The following SIPA1L3 variants were observed in gnomAD, a reference collection of about 807,000 sequenced individuals.
SIPA1L3 encodes signal-induced proliferation-associated 1-like protein 3.
SIPA1L3 carries 59 observed loss-of-function variants against 150.1 expected under a neutral mutation model. The ratio of observed to expected loss-of-function variants is 0.39; its 90% CI spans 0.32 to 0.49. The LOEUF (loss-of-function observed/expected upper bound fraction) is 0.49, where lower values mean the gene tolerates loss of function less well. Ranked by LOEUF, SIPA1L3 falls within the 20% of genes least tolerant of loss-of-function variation. The pLI is 0.86. For synonymous variants in SIPA1L3, 1,070 were observed against 1,077.6 expected (o/e 0.99, Z 0.14); for missense variants, 2,211 against 2,489.5 (o/e 0.89, Z 2.38).
In SIPA1L3 at chr19:38,047,557, G is replaced by A. The variant is rs1228105940; in HGVS notation, c.-311+18401G>A. ...TGTTATTTTTTCCTCCTTCGACCTC[G>A]ATCCCTCCTGCCACTCACTTTATAG... On this transcript the variant is annotated intron_variant, in intron 2 of 21. Coordinates refer to ENST00000222345, the MANE Select transcript of SIPA1L3 (RefSeq NM_015073.3). This position sits in a 1 kb window ranked among gnomAD's most constrained non-coding sequence, Gnocchi z 4.7. Among the ~76,000 whole-genome samples, 3 of 152,138 alleles carry A rather than the reference G, an allele frequency of 2.0e-5. No individual in the cohort carries two copies. Among genetic ancestry groups the A allele is most frequent in the Non-Finnish European group, 2.9e-5 (2 of 68,034 alleles).
chr19:38,098,301 T>C (rs1970424564), intron 4 of SIPA1L3, among the ~76,000 whole-genome samples: 1 of 152,128 alleles, frequency 6.6e-6, no homozygotes, highest in African/African-American at 2.4e-5. Context: ...TCTTTCCTCA[T>C]GATTGCAATC....
intron 9 of SIPA1L3, 71 bp from the exon 10 acceptor site, chr19:38,130,427 C>T (rs1971277883): frequency 4.0e-6 from 6 of 1,509,262 alleles, no homozygotes; most frequent in East Asian, 4.5e-5. Flanking sequence ...AAGCGGGGAA[C>T]GTGACCAGGG....
rs900447816 is a variant in SIPA1L3, at chr19:38,106,133, G to T, written c.2030-404G>T. Among the ~76,000 whole-genome samples the T allele has an allele frequency of 1.2e-4, 17 of 147,566 alleles. No homozygotes were observed. The Admixed American group carries it at 1.2e-3, about 10-fold the overall frequency. On this transcript the variant is annotated intron_variant, in intron 6 of 21. Transcript: ENST00000222345. The stretch of plus-strand genomic sequence containing the variant: ...ATTTTTTTTTTTTTTTTGAGACAGA[G>T]TCTAACCCTGTCTCCCAGGCTGGAG...
chr19:37,970,563 C>A (rs902111724), intron 1 of SIPA1L3, among the ~76,000 whole-genome samples: 1 of 152,060 alleles, frequency 6.6e-6, no homozygotes, highest in Non-Finnish European at 1.5e-5. Context: ...ACAGTTCTTT[C>A]TTCGCACTAA....
At chr19:38,091,999 G>T (rs1568545634) in intron 4 of SIPA1L3, among the ~76,000 whole-genome samples, 1 of 151,688 alleles carries the variant, frequency 6.6e-6, no homozygotes, top group Non-Finnish European at 1.5e-5. Flanking sequence ...GAGAGGTGGA[G>T]GTTGCAGTGA....
intron 2 of SIPA1L3, among the ~76,000 whole-genome samples, chr19:38,053,460 A>G (rs564845544): frequency 6.6e-6 from 1 of 152,324 alleles, no homozygotes; most frequent in Admixed American, 6.5e-5. Context: ...AGTGGTAGTA[A>G]TAGCCATGGA....
At chr19:38,104,413 C>T (rs1336790629) in intron 6 of SIPA1L3, among the ~76,000 whole-genome samples, 1 of 152,184 alleles carries the variant, frequency 6.6e-6, no homozygotes, top group Non-Finnish European at 1.5e-5. Flanking sequence ...TTCCGTGGGT[C>T]AGCTTTGCCC....
intron 13 of SIPA1L3, among the ~76,000 whole-genome samples, chr19:38,155,712 C>G (rs1375887210): frequency 6.6e-6 from 1 of 152,142 alleles, no homozygotes; most frequent in Non-Finnish European, 1.5e-5. Context: ...CACCAGCTCC[C>G]CCAGATGCTG....
Position 38,204,115 on chromosome 19 carries a change from T to G in SIPA1L3, c.5121-12T>G. On this transcript the variant is annotated splice_polypyrimidine_tract_variant and intron_variant, in intron 20 of 21. Transcript: ENST00000222345. ...TAGGGCCTCAGGCTGACCTTGTCCC[T>G]GGTTTTTCCAGCGAGGAGCCACCCC... is the stretch of plus-strand genomic sequence containing the variant. 1 of 1,554,208 alleles carries G rather than the reference T, an allele frequency of 6.4e-7. No individual in the cohort carries two copies. The highest frequency in any genetic ancestry group is 8.7e-7 in the Non-Finnish European group (1 of 1,148,206).
chr19:38,005,588 CT>C (rs1250519532), intron 1 of SIPA1L3, among the ~76,000 whole-genome samples: 1 of 152,190 alleles, frequency 6.6e-6, no homozygotes, highest in Non-Finnish European at 1.5e-5. Flanking sequence ...CCCTGAGCTA[CT>C]CATCTGACCT....
At chr19:37,918,899 TAAATAAATAAATAAATAAAC>T (rs1328612571) in intron 1 of SIPA1L3, among the ~76,000 whole-genome samples, 7 of 148,810 alleles carry the variant, frequency 4.7e-5, no homozygotes, top group Non-Finnish European at 7.4e-5. Context: ...AATAAATAAA[TAAATAAATAAATAAATAAAC>T]AAACTGCTGC....
chr19:38,044,766 A>C (rs899986412), intron 2 of SIPA1L3, among the ~76,000 whole-genome samples: 16 of 152,134 alleles, frequency 1.1e-4, no homozygotes, highest in African/African-American at 3.9e-4. Context: ...GTATGGCAGA[A>C]GTGTGTTCTA....
intron 18 of SIPA1L3, among the ~76,000 whole-genome samples, chr19:38,196,472 GGGCAGAGTGTGGATGTCAA>G (rs1406508852): frequency 6.4e-3 from 957 of 148,608 alleles, no homozygotes; most frequent in South Asian, 8.7e-3. Flanking sequence ...TGGAGGTCAA[GGGCAGAGTGTGGATGTCAA>G]GGCGGAGCAA....
At chr19:38,194,210 G>T (rs901837349) in intron 18 of SIPA1L3, among the ~76,000 whole-genome samples, 1 of 151,796 alleles carries the variant, frequency 6.6e-6, no homozygotes, top group Non-Finnish European at 1.5e-5. Context: ...TGGGGGTGGT[G>T]CATGGTATGA....
rs1568484127 is a variant in SIPA1L3 at position 37,971,132 on chromosome 19, T to TTTG, written c.-378-57955_-378-57954insGTT. On this transcript the variant is annotated intron_variant, in intron 1 of 21. Transcript: ENST00000222345. ...TTCCTCCCCCACCTCCCATGCTTTTTTTTGTTTGTTTGTTTGTTTGTTTGT... is the reference window on the plus strand; with the variant it reads ...TTCCTCCCCCACCTCCCATGCTTTTTTTGTTTGTTTGTTTGTTTGTTTGTTTGT... Among the ~76,000 whole-genome samples the TTTG allele has an allele frequency of 2.9e-3, 437 of 152,174 alleles. 6 individuals are homozygous for TTTG. The highest frequency in any genetic ancestry group is 9.6e-3 in the African/African-American group (399 of 41,510).
intron 1 of SIPA1L3, among the ~76,000 whole-genome samples, chr19:38,027,194 G>A (rs1319176899): frequency 6.6e-6 from 1 of 152,174 alleles, no homozygotes; most frequent in Non-Finnish European, 1.5e-5. Context: ...GGGAGGCTGA[G>A]GCAGAATTGC....
At chr19:38,133,758 T>G (rs542656750) in intron 10 of SIPA1L3, among the ~76,000 whole-genome samples, 2 of 152,328 alleles carry the variant, frequency 1.3e-5, no homozygotes, top group South Asian at 4.1e-4. Flanking sequence ...TGTGCCCGGT[T>G]TCCTCATTTG....
chr19:38,166,814 C>T (rs770884102), intron 15 of SIPA1L3, among the ~76,000 whole-genome samples: 1 of 152,088 alleles, frequency 6.6e-6, no homozygotes, highest in Admixed American at 6.6e-5. Flanking sequence ...GCCCTAAAGC[C>T]TTTTCCAGTC....
chr19:38,132,603 A>T (rs1164414703), intron 10 of SIPA1L3, among the ~76,000 whole-genome samples: 3 of 151,524 alleles, frequency 2.0e-5, no homozygotes, highest in African/African-American at 7.3e-5. Context: ...AAAAAAAGAA[A>T]AAAAGAATTC....
Sources: allele counts gnomAD v4.1 joint callset (sites outside exome capture counted in the v4.1 genomes callset), GRCh38; gene constraint gnomAD v4.1.1; non-coding constraint Gnocchi (gnomAD v3.1); transcripts MANE v1.5; gene names NCBI Gene and HGNC (gene_info 2026-07-23, HGNC 2026-07-21).